The following SPATA7 variants were observed in gnomAD, a reference collection of about 807,000 sequenced individuals.
SPATA7 encodes the protein spermatogenesis associated 7.
A neutral mutation model predicts 51.8 loss-of-function variants in SPATA7; 43 were observed. The observed-to-expected ratio is 0.83, with a 90% CI of 0.65 to 1.07. SPATA7 has a LOEUF of 1.07. SPATA7 is among the 50% of genes least tolerant of loss of function. The pLI is 0.00. For synonymous variants in SPATA7, 230 were observed against 252.8 expected, an observed-to-expected ratio of 0.91 and a Z score of 0.86; for missense variants, 683 against 701.3, an observed-to-expected ratio of 0.97 and a Z score of 0.30.
chr14:88,460,374 A>C (rs2077309786), intron 4 of SPATA7, among the ~76,000 whole-genome samples: 1 of 150,826 alleles, frequency 6.6e-6, no homozygotes, highest in Admixed American at 6.6e-5. Flanking sequence ...GTCTTTTCAC[A>C]TAGTCCCATA....
intron 3 of SPATA7, among the ~76,000 whole-genome samples, chr14:88,452,484 G>A (rs946124809): frequency 6.6e-6 from 1 of 152,054 alleles, no homozygotes; most frequent in African/African-American, 2.4e-5. Flanking sequence ...GGGCCATAGA[G>A]CTCCCAAGAG....
At chr14:88,438,479 T>C (rs1019917486), downstream of SPATA7, 2 of 1,322,422 alleles carry the variant, frequency 1.5e-6, no homozygotes, top group African/African-American at 2.9e-5. Context: ...TTCTTCCTTT[T>C]TTAAAATGTA....
chr14:88,426,545 A>G lies in SPATA7; in HGVS notation c.686A>G (p.His229Arg), dbSNP rs771461883. 9 of 1,614,054 alleles carry G rather than the reference A, an allele frequency of 5.6e-6. No homozygotes were observed. The highest frequency in any genetic ancestry group is 7.6e-6 in the Non-Finnish European group (9 of 1,180,036). The change falls in exon 6 of 12, where the codon CAT (histidine) becomes CGT (arginine). Residue 229 changes from histidine to arginine, a missense_variant. Coordinates refer to ENST00000393545, the MANE Select transcript of SPATA7 (RefSeq NM_018418.5). ...KAPSGDLLDK[H>R]SELFSNKQLP... is the part of the protein sequence containing the mutation. ...CCCAGTGGGGATCTTTTGGATAAAC[A>G]TTCTGAACTCTTTTCTAACAAACAA...
intron 3 of SPATA7, among the ~76,000 whole-genome samples, chr14:88,444,800 T>C (rs1442012489): frequency 1.3e-5 from 2 of 152,218 alleles, no homozygotes; most frequent in African/African-American, 4.8e-5. Flanking sequence ...GTTGTAGATA[T>C]GCGGCGTTAT....
chr14:88,434,929 C>G (rs2077045061), intron 10 of SPATA7, among the ~76,000 whole-genome samples: 1 of 152,114 alleles, frequency 6.6e-6, no homozygotes, highest in Non-Finnish European at 1.5e-5. Flanking sequence ...TTCACTGATG[C>G]TAGCAAATGA....
intron 4 of SPATA7, among the ~76,000 whole-genome samples, chr14:88,396,868 C>CTTTTTTTTTTTTT (rs1261739206): frequency 9.9e-6 from 1 of 101,136 alleles, no homozygotes; most frequent in Admixed American, 1.3e-4. Flanking sequence ...CTTTTCTTTT[C>CTTTTTTTTTTTTT]TTTTTTCTTT....
chr14:88,464,754 T>TACAATAATTTCCTGTTTC (rs1490258669), intron 4 of SPATA7, among the ~76,000 whole-genome samples: 1 of 152,114 alleles, frequency 6.6e-6, no homozygotes, highest in African/African-American at 2.4e-5. Flanking sequence ...AAGTCTTATT[T>TACAATAATTTCCTGTTTC]ACAATAATTT....
intron 3 of SPATA7, among the ~76,000 whole-genome samples, chr14:88,454,124 C>T (rs2077269189): frequency 6.6e-6 from 1 of 152,142 alleles, no homozygotes. Context: ...CATTAAAAAA[C>T]ATATCTTACA....
At position 88,425,356 on chromosome 14, in the gene SPATA7, G is replaced by C. The variant is rs2076759486; in HGVS notation, c.373-876G>C. 2.0e-5 allele frequency among the ~76,000 whole-genome samples: 3 copies of C among 152,054 alleles called. No individual in the cohort carries two copies. The South Asian group carries it at 6.2e-4, about 31-fold the overall frequency. On this transcript the variant is annotated intron_variant, in intron 5 of 11. Coordinates refer to ENST00000393545, the MANE Select transcript of SPATA7 (RefSeq NM_018418.5). ...TCTTCCCCTTGTTATTCCTCCCAATGAGGTAATAAGACAGATATAATTGGC... is the reference window on the plus strand; with the variant it reads ...TCTTCCCCTTGTTATTCCTCCCAATCAGGTAATAAGACAGATATAATTGGC...
chr14:88,403,933 A>G (rs2076138055), intron 4 of SPATA7, among the ~76,000 whole-genome samples: 1 of 152,210 alleles, frequency 6.6e-6, no homozygotes, highest in South Asian at 2.1e-4. Flanking sequence ...CAACTATGTT[A>G]GGTGATAGAT....
chr14:88,432,032 C>A (rs1295145862), intron 9 of SPATA7, among the ~76,000 whole-genome samples: 2 of 152,086 alleles, frequency 1.3e-5, no homozygotes, highest in Middle Eastern at 3.2e-3. Flanking sequence ...CCAGGTATTA[C>A]CTGATACTTT....
chr14:88,391,765 A>C, intron 2 of SPATA7: 1 of 388,904 alleles, frequency 2.6e-6, no homozygotes, highest in South Asian at 2.3e-5. Flanking sequence ...AATGGTGAGT[A>C]GCAGGTATTA....
chr14:88,394,749 A>G (rs2075836441), intron 3 of SPATA7, among the ~76,000 whole-genome samples: 1 of 152,186 alleles, frequency 6.6e-6, no homozygotes, highest in East Asian at 1.9e-4. Context: ...CAGAGTGAAT[A>G]TACCATTTAC....
intron 4 of SPATA7, among the ~76,000 whole-genome samples, chr14:88,463,630 A>G (rs1477311185): frequency 6.6e-6 from 1 of 152,184 alleles, no homozygotes; most frequent in Non-Finnish European, 1.5e-5. Context: ...GAAGGCTAAC[A>G]CCAAGAGTAT....
At chr14:88,443,357 T>C (rs1285566454), downstream of SPATA7, among the ~76,000 whole-genome samples, 1 of 152,234 alleles carries the variant, frequency 6.6e-6, no homozygotes, top group East Asian at 1.9e-4. Context: ...TTTCCAGGAA[T>C]GTATCCATCT....
intron 4 of SPATA7, among the ~76,000 whole-genome samples, chr14:88,400,761 G>C (rs1457400455): frequency 1.3e-5 from 2 of 152,188 alleles, no homozygotes; most frequent in Admixed American, 1.3e-4. Flanking sequence ...CTTGAATCCA[G>C]GAGGTGGAGG....
downstream of SPATA7, among the ~76,000 whole-genome samples, chr14:88,455,802 G>A (rs917617695): frequency 6.6e-6 from 1 of 151,954 alleles, no homozygotes; most frequent in South Asian, 2.1e-4. Flanking sequence ...ATGTATACAC[G>A]TGCCGTGTTG....
intron 4 of SPATA7, chr14:88,414,572 T>C (rs951090949): frequency 6.9e-6 from 2 of 288,178 alleles, no homozygotes; most frequent in African/African-American, 2.3e-5. Context: ...TGCTTTTAGA[T>C]AATTATTTTC....
At chr14:88,466,008 G>A (rs186203319) in intron 4 of SPATA7, 1 of 151,504 alleles carries the variant, frequency 6.6e-6, no homozygotes, top group East Asian at 1.9e-4. Context: ...TCTTGTCAAC[G>A]AGCTATGTCA....
Sources: allele counts gnomAD v4.1 joint callset (sites outside exome capture counted in the v4.1 genomes callset), GRCh38; gene constraint gnomAD v4.1.1; transcripts MANE v1.5; gene names NCBI Gene and HGNC (gene_info 2026-07-23, HGNC 2026-07-21).